Variants in PPP1R12A observed in about 807,000 individuals in gnomAD.
PPP1R12A encodes the protein myosin binding subunit.
In PPP1R12A, 19 loss-of-function variants were observed where a neutral mutation model predicts 139.6. That is an observed-to-expected ratio of 0.14 (90% CI 0.09 to 0.20). The LOEUF is 0.20. Among genes scored for constraint, PPP1R12A ranks in the 10% least tolerant of loss-of-function variants. The pLI is 1.00. For missense variants in PPP1R12A, 925 were observed against 1,211.5 expected (o/e 0.76, Z 3.51); for synonymous variants, 427 against 420.6 (o/e 1.02, Z -0.19).
In PPP1R12A at chr12:79,832,408, T is replaced by C. The variant is rs762243152; in HGVS notation, c.571A>G (p.Asn191Asp). Residue 191 changes from asparagine to aspartate, a missense_variant, in exon 4 of 25, where the codon AAT becomes GAT. Physicochemically the swap from Asn to Asp is conservative, Grantham distance 23. Transcript: ENST00000450142. ...CCAGATTTTGCATGCCGGACATCATTTATATGACCACTATTTAGCCACTGC... is the reference window on the plus strand; with the variant it reads ...CCAGATTTTGCATGCCGGACATCATCTATATGACCACTATTTAGCCACTGC... The part of the protein sequence containing the change: ...ARQWLNSGHI[N>D]DVRHAKSGGT... 6.2e-7 allele frequency: 1 copy of C among 1,613,636 alleles called. No homozygotes were observed. Among genetic ancestry groups the C allele is most frequent in the South Asian group, 1.1e-5 (1 of 91,072 alleles).
intron 20 of PPP1R12A, among the ~76,000 whole-genome samples, chr12:79,789,038 G>A (rs2136999149): frequency 6.6e-6 from 1 of 152,242 alleles, no homozygotes; most frequent in South Asian, 2.1e-4. Flanking sequence ...TCGGGCTCAA[G>A]TGATTCTTCT....
In PPP1R12A at chr12:79,869,422, A is replaced by G. The variant is rs116770951; in HGVS notation, c.368+3386T>C. Among the ~76,000 whole-genome samples, 1,183 of 152,352 alleles carry G rather than the reference A, an allele frequency of 7.8e-3. 18 individuals carry two copies. Among genetic ancestry groups the G allele is most frequent in the African/African-American group, 0.026 (1,096 of 41,580 alleles). ...CAATAGGGATGAATTACTACTATTC[A>G]GTGCATAAATGCAGTTAGTAAAGAA... On this transcript the variant is annotated intron_variant, in intron 2 of 24. Transcript: ENST00000450142.
At chr12:79,804,243 A>G (rs1020286792) in intron 14 of PPP1R12A, among the ~76,000 whole-genome samples, 1 of 152,088 alleles carries the variant, frequency 6.6e-6, no homozygotes, top group African/African-American at 2.4e-5. Flanking sequence ...AATGATGGAT[A>G]CTAATTTCTG....
chr12:79,872,666 C>A, intron 2 of PPP1R12A, 142 bp downstream of exon 2: 2 of 941,982 alleles, frequency 2.1e-6, no homozygotes, highest in South Asian at 2.1e-5. Flanking sequence ...TTCCCAATAA[C>A]CACTTATTTT....
At position 79,815,575 on chromosome 12, in the gene PPP1R12A, T is replaced by C. The variant is rs535469472; in HGVS notation, c.1239+1819A>G. Among the ~76,000 whole-genome samples the C allele has an allele frequency of 3.3e-5, 5 of 150,048 alleles. No individual in the cohort carries two copies. The East Asian group carries it at 9.7e-4, about 29-fold the overall frequency. On this transcript the variant is annotated intron_variant, in intron 9 of 24. Transcript: ENST00000450142. The stretch of plus-strand genomic sequence containing the variant: ...TTCTTGCCTAGGTATTCCAGGGAGA[T>C]GGAATTTCTGATAACATTATAGTCT...
Position 79,802,644 on chromosome 12 carries a change from G to A in PPP1R12A, c.2000+2948C>T, listed in dbSNP as rs75761521. Among the ~76,000 whole-genome samples, 6 of 152,208 alleles carry A rather than the reference G, an allele frequency of 3.9e-5. No homozygotes were observed. The East Asian group carries it at 1.2e-3, about 30-fold the overall frequency. ...CAAAAATTTAAAAAATTAGCTGGGT[G>A]TGATGGCACACCTGTAGTCCTAGCT... is the stretch of plus-strand genomic sequence containing the variant. On this transcript the variant is annotated intron_variant, in intron 14 of 24. Coordinates refer to ENST00000450142, the MANE Select transcript of PPP1R12A (RefSeq NM_002480.3).
At chr12:79,930,194 G>A (rs771352462) in intron 1 of PPP1R12A, among the ~76,000 whole-genome samples, 13 of 152,160 alleles carry the variant, frequency 8.5e-5, no homozygotes, top group African/African-American at 3.1e-4. Context: ...ATTGGCAAAC[G>A]AGGGAGAGAG....
chr12:79,800,327 G>A (rs1269501147), intron 14 of PPP1R12A, among the ~76,000 whole-genome samples: 2 of 152,124 alleles, frequency 1.3e-5, no homozygotes, highest in Non-Finnish European at 2.9e-5. Context: ...TCAGTGTGAA[G>A]ACGAAGAGAA....
chr12:79,818,262 G>C (rs953729005), intron 8 of PPP1R12A, among the ~76,000 whole-genome samples: 1 of 152,036 alleles, frequency 6.6e-6, no homozygotes, highest in Admixed American at 6.6e-5. Flanking sequence ...TATTTACTTT[G>C]AGACAGGGTC....
At chr12:79,842,841 A>C (rs904465176) in intron 3 of PPP1R12A, among the ~76,000 whole-genome samples, 5 of 152,088 alleles carry the variant, frequency 3.3e-5, no homozygotes, top group African/African-American at 1.2e-4. Context: ...ACAGGTCTTA[A>C]CTATTTTTAA....
intron 10 of PPP1R12A, 118 bp downstream of exon 10, chr12:79,809,677 G>A: frequency 1.4e-6 from 1 of 712,284 alleles, no homozygotes; most frequent in Admixed American, 2.8e-5. Flanking sequence ...AATTCATTAA[G>A]GTTAATTAAC....
chr12:79,895,434 T>G (rs1592786881), intron 1 of PPP1R12A, among the ~76,000 whole-genome samples: 2 of 152,166 alleles, frequency 1.3e-5, no homozygotes, highest in Admixed American at 6.5e-5. Context: ...GACTTCAAAA[T>G]TAAAATATAC....
chr12:79,823,592 CTTT>C (rs11310475), intron 5 of PPP1R12A, among the ~76,000 whole-genome samples: 54 of 141,638 alleles, frequency 3.8e-4, no homozygotes, highest in Admixed American at 4.9e-4. Context: ...TGAAAGGTAT[CTTT>C]TTTTTTTTTT....
intron 3 of PPP1R12A, among the ~76,000 whole-genome samples, chr12:79,837,917 G>A (rs1878276755): frequency 6.6e-6 from 1 of 152,156 alleles, no homozygotes; most frequent in African/African-American, 2.4e-5. Context: ...AGCAGCATGA[G>A]AATGGACTAA....
At chr12:79,833,572 T>G (rs2137159468) in intron 3 of PPP1R12A, among the ~76,000 whole-genome samples, 1 of 151,528 alleles carries the variant, frequency 6.6e-6, no homozygotes, top group Non-Finnish European at 1.5e-5. Context: ...CACTTGTAAT[T>G]CAAGCACTTT....
intron 3 of PPP1R12A, among the ~76,000 whole-genome samples, chr12:79,833,772 G>T (rs1877731159): frequency 6.6e-6 from 1 of 151,020 alleles, no homozygotes. Context: ...AGGAGATGGA[G>T]GATGCAGTAA....
intron 1 of PPP1R12A, among the ~76,000 whole-genome samples, chr12:79,901,867 C>A (rs1885672334): frequency 6.6e-6 from 1 of 152,176 alleles, no homozygotes. Flanking sequence ...GACACAGAGT[C>A]AGGGAAAACT....
chr12:79,908,012 G>C (rs1333959074), intron 1 of PPP1R12A, among the ~76,000 whole-genome samples: 1 of 152,102 alleles, frequency 6.6e-6, no homozygotes, highest in African/African-American at 2.4e-5. Context: ...TCCATTATTA[G>C]CCTAAGGAAA....
chr12:79,793,714 A>G (rs1872165686), intron 19 of PPP1R12A, 149 bp downstream of exon 19: 2 of 579,852 alleles, frequency 3.4e-6, no homozygotes, highest in Non-Finnish European at 5.8e-6. Flanking sequence ...TTTAATCCTG[A>G]TCCCCAGGCA....
Sources: gnomAD v4.1 joint callset for allele counts (sites outside exome capture counted in the v4.1 genomes callset) on GRCh38, gnomAD v4.1.1 for gene constraint, MANE v1.5 for transcripts, NCBI Gene and HGNC (gene_info 2026-07-23, HGNC 2026-07-21) for gene names.